The following BPTF variants were observed in gnomAD, a reference collection of about 807,000 sequenced individuals.
BPTF encodes bromodomain PHD finger transcription factor.
BPTF carries 18 observed loss-of-function variants against 292.5 expected under a neutral mutation model. The ratio of observed to expected loss-of-function variants is 0.06; its 90% CI spans 0.04 to 0.09. The LOEUF is 0.09. BPTF is among the 10% of genes least tolerant of loss of function. BPTF has a pLI of 1.00. For synonymous variants in BPTF, 1,225 were observed against 1,251.9 expected (o/e 0.98, Z 0.45); for missense variants, 2,726 against 3,498.7 (o/e 0.78, Z 5.57).
chr17:67,873,513 G>T (rs546038915), intron 3 of BPTF, among the ~76,000 whole-genome samples: 3 of 150,784 alleles, frequency 2.0e-5, no homozygotes, highest in African/African-American at 4.9e-5. Flanking sequence ...CACAAATAGC[G>T]TACTCTAGTT....
intron 15 of BPTF, 76 bp from the exon 16 acceptor site, chr17:67,928,279 A>G: frequency 6.9e-7 from 1 of 1,446,604 alleles, no homozygotes; most frequent in Non-Finnish European, 9.3e-7. Flanking sequence ...GAAATTGTGG[A>G]CAGACTTCTT....
At chr17:67,908,826 ATTTTTTTTTTTT>A (rs34934455) in intron 9 of BPTF, among the ~76,000 whole-genome samples, 7 of 106,086 alleles carry the variant, frequency 6.6e-5, no homozygotes, top group Non-Finnish European at 7.2e-5. Flanking sequence ...GTCACTGACA[ATTTTTTTTTTTT>A]TTTTTTTTTT....
chr17:67,952,004 G>C (rs1272806970), intron 23 of BPTF, among the ~76,000 whole-genome samples: 2 of 136,474 alleles, frequency 1.5e-5, no homozygotes, highest in African/African-American at 5.5e-5. Flanking sequence ...GCAGTGACCC[G>C]AGATCATGCC....
chr17:67,885,360 G>T (rs1409441682), intron 4 of BPTF, among the ~76,000 whole-genome samples: 1 of 152,186 alleles, frequency 6.6e-6, no homozygotes, highest in Non-Finnish European at 1.5e-5. Flanking sequence ...AAGGTGGGTG[G>T]ATCACCTGAG....
intron 15 of BPTF, among the ~76,000 whole-genome samples, chr17:67,925,040 C>T (rs1402739421): frequency 2.0e-5 from 3 of 147,988 alleles, no homozygotes; most frequent in Non-Finnish European, 3.0e-5. Context: ...TGAGCCATTG[C>T]ACCCATCCAG....
chr17:67,977,388 GC>G (rs2069629132), intron 27 of BPTF, among the ~76,000 whole-genome samples: 1 of 151,972 alleles, frequency 6.6e-6, no homozygotes, highest in South Asian at 2.1e-4. Context: ...AATGGTGCAC[GC>G]CTGTAGTCTC....
chr17:67,979,651 C>A (rs1413849867), intron 27 of BPTF, among the ~76,000 whole-genome samples: 1 of 152,024 alleles, frequency 6.6e-6, no homozygotes, highest in East Asian at 1.9e-4. Context: ...AACTTGGACT[C>A]AAAAAAGGGA....
At position 67,825,870 on chromosome 17, in the gene BPTF, G is replaced by A. The variant is rs1240214159; in HGVS notation, c.146G>A (p.Gly49Asp). 9.9e-7 allele frequency: 1 copy of A among 1,014,394 alleles called. No individual in the cohort carries two copies. The highest frequency in any genetic ancestry group is 1.2e-6 in the Non-Finnish European group (1 of 850,696). The allele number at this position is 1,014,394 out of a possible 1,614,324, so 62.8% of individuals were successfully genotyped here. The change falls in exon 1 of 28, where the codon GGC becomes GAC. Residue 49 changes from glycine (G) to aspartate (D), a missense_variant. Physicochemically the swap from Gly to Asp is moderately conservative, Grantham distance 94 (BLOSUM62 -1). Around this residue, in one of 22 missense-constraint regions of BPTF, gnomAD observed 103 missense variants for 72.1 expected, o/e 1.43. Coordinates refer to ENST00000306378, the MANE Select transcript of BPTF (RefSeq NM_182641.4). ...LRSRHRGSSR[G>D]RWAAAQAEVA... ...TCGCGGCACCGCGGCAGCAGCCGGGGCAGGTGGGCCGCCGCCCAGGCTGAG... is the reference window on the plus strand; with the variant it reads ...TCGCGGCACCGCGGCAGCAGCCGGGACAGGTGGGCCGCCGCCCAGGCTGAG...
intron 22 of BPTF, 35 bp from the exon 23 acceptor site, chr17:67,948,046 G>T (rs782067842): frequency 6.3e-7 from 1 of 1,576,610 alleles, no homozygotes; most frequent in South Asian, 1.1e-5. Flanking sequence ...AAAATGAAAC[G>T]CCCAGCATTA....
At chr17:67,931,508 A>T (rs866204399) in intron 17 of BPTF, among the ~76,000 whole-genome samples, 14 of 152,242 alleles carry the variant, frequency 9.2e-5, no homozygotes, top group African/African-American at 2.4e-4. Flanking sequence ...AATAATTTTT[A>T]AAAAACTATG....
chr17:67,929,431 A>T lies in BPTF; in HGVS notation c.6094A>T (p.Thr2032Ser). The T allele has an allele frequency of 6.2e-7, 1 of 1,614,180 alleles. No homozygotes were observed. The highest frequency in any genetic ancestry group is 1.1e-5 in the South Asian group (1 of 91,088). The change falls in exon 17 of 28, where the codon ACA becomes TCA. Residue 2032 changes from threonine to serine, a missense_variant. Physicochemically the swap from Thr to Ser is moderately conservative, Grantham distance 58. Around this residue, in one of 22 missense-constraint regions of BPTF, gnomAD observed 570 missense variants for 633.5 expected, o/e 0.90. Transcript: ENST00000306378. The part of the protein sequence containing the change: ...TFTSFQPRTA[T>S]VTIRPNTSGS... Reference sequence around the variant, plus strand: ...TACTTCATTCCAGCCCAGGACAGCAACAGTCACAATTAGGCCCAATACCTC... The same window carrying T: ...TACTTCATTCCAGCCCAGGACAGCATCAGTCACAATTAGGCCCAATACCTC...
intron 9 of BPTF, among the ~76,000 whole-genome samples, chr17:67,908,688 C>A (rs1050566405): frequency 6.6e-6 from 1 of 150,924 alleles, no homozygotes; most frequent in African/African-American, 2.4e-5. Flanking sequence ...CGGGGTTTCA[C>A]CATGTTGGCT....
At chr17:67,930,405 G>A (rs1186841683) in intron 17 of BPTF, among the ~76,000 whole-genome samples, 1 of 151,572 alleles carries the variant, frequency 6.6e-6, no homozygotes, top group Non-Finnish European at 1.5e-5. Flanking sequence ...TACCATGTTG[G>A]TCAGGCTGGT....
chr17:67,826,788 ATC>A (rs1364219108), intron 1 of BPTF, among the ~76,000 whole-genome samples: 1 of 152,148 alleles, frequency 6.6e-6, no homozygotes, highest in East Asian at 1.9e-4. Flanking sequence ...TTTATTATAT[ATC>A]TGTTACTTAA....
intron 7 of BPTF, among the ~76,000 whole-genome samples, chr17:67,895,063 A>G (rs866908807): frequency 2.6e-5 from 4 of 152,300 alleles, no homozygotes; most frequent in Non-Finnish European, 2.9e-5. Flanking sequence ...AATCTTTTCT[A>G]CAGAGTCCAC....
chr17:67,964,596 C>G (rs2067830038), intron 25 of BPTF, among the ~76,000 whole-genome samples, 192 bp downstream of exon 25: 1 of 152,320 alleles, frequency 6.6e-6, no homozygotes, highest in South Asian at 2.1e-4. Flanking sequence ...CACACCACGT[C>G]AGCTTATCTC....
chr17:67,856,585 G>A (rs2058705271), intron 2 of BPTF, among the ~76,000 whole-genome samples: 2 of 152,114 alleles, frequency 1.3e-5, no homozygotes, highest in South Asian at 4.1e-4. Flanking sequence ...CTTAACCATT[G>A]GATGATTTTC....
chr17:67,931,656 C>A (rs569310132), intron 17 of BPTF, among the ~76,000 whole-genome samples: 1 of 152,258 alleles, frequency 6.6e-6, no homozygotes, highest in South Asian at 2.1e-4. Context: ...ATGCTCCTTC[C>A]TTTTATTCCA....
In BPTF at chr17:67,853,967, C is replaced by T. The variant is rs750466723; in HGVS notation, c.641C>T (p.Pro214Leu). The T allele has an allele frequency of 6.2e-7, 1 of 1,612,868 alleles. No homozygotes were observed. Among genetic ancestry groups the T allele is most frequent in the Non-Finnish European group, 8.5e-7 (1 of 1,178,940 alleles). Residue 214 changes from proline to leucine, a missense_variant, in exon 2 of 28, where the codon CCT (proline) becomes CTT (leucine). Around this residue, in one of 22 missense-constraint regions of BPTF, gnomAD observed 153 missense variants for 178.3 expected, o/e 0.86. Transcript: ENST00000306378. ...PGRRKPRVHRPRSPILEEKDI... is the reference protein window; with the variant it reads ...PGRRKPRVHRLRSPILEEKDI... ...AGGCGAAAACCAAGAGTACATCGGC[C>T]TCGTTCTCCTATATTGGAAGAAAAA...
Sources: gnomAD v4.1 joint callset for allele counts (sites outside exome capture counted in the v4.1 genomes callset) on GRCh38, gnomAD v4.1.1 for gene constraint, gnomAD v4.1.1 regional missense constraint, MANE v1.5 for transcripts, NCBI Gene and HGNC (gene_info 2026-07-23, HGNC 2026-07-21) for gene names.